Variants in TRIM55 observed in about 807,000 individuals in gnomAD.
TRIM55 encodes tripartite motif-containing protein 55.
TRIM55 carries 50 observed loss-of-function variants against 60.9 expected under a neutral mutation model. The observed-to-expected ratio is 0.82, with a 90% CI of 0.65 to 1.04. The LOEUF (loss-of-function observed/expected upper bound fraction) is 1.04, where lower values mean the gene tolerates loss of function less well. Ranked by LOEUF, TRIM55 falls within the 50% of genes least tolerant of loss-of-function variation. TRIM55 has a pLI of 0.00. For synonymous variants in TRIM55, 237 were observed against 238.1 expected (o/e 1.00, Z 0.04); for missense variants, 681 against 666.9 (o/e 1.02, Z -0.23).
At chr8:66,155,823 C>T (rs1439542219) in intron 9 of TRIM55, 1 of 732,064 alleles carries the variant, frequency 1.4e-6, no homozygotes, top group East Asian at 2.6e-5. Flanking sequence ...GCTCAGTCCT[C>T]CCAAAAGAAC....
chr8:66,144,458 G>A (rs1809996462), intron 4 of TRIM55, among the ~76,000 whole-genome samples: 1 of 152,238 alleles, frequency 6.6e-6, no homozygotes, highest in South Asian at 2.1e-4. Flanking sequence ...AGACCCAGGA[G>A]GAAGGCTGTG....
intron 9 of TRIM55, among the ~76,000 whole-genome samples, chr8:66,155,342 A>G (rs1014609991): frequency 2.1e-4 from 32 of 152,262 alleles, no homozygotes; most frequent in African/African-American, 7.2e-4. Context: ...TTATTTTCAC[A>G]GATAAAATGA....
chr8:66,128,359 G>T lies in TRIM55; in HGVS notation c.224G>T (p.Arg75Leu). 4 of 1,613,528 alleles carry T rather than the reference G, an allele frequency of 2.5e-6. No homozygotes were observed. The highest frequency in any genetic ancestry group is 3.4e-6 in the Non-Finnish European group (4 of 1,179,676). ...GGTACCACCATGGCATCAGGGGGCCGATTCCGCTGCCCATCCTGTAGACAT... is the reference window on the plus strand; with the variant it reads ...GGTACCACCATGGCATCAGGGGGCCTATTCCGCTGCCCATCCTGTAGACAT... ...RGGTTMASGGRFRCPSCRHEV... is the reference protein window; with the variant it reads ...RGGTTMASGGLFRCPSCRHEV... Residue 75 changes from arginine to leucine, a missense_variant, in exon 2 of 10, where the codon CGA (arginine) becomes CTA (leucine). Coordinates refer to ENST00000315962, the MANE Select transcript of TRIM55 (RefSeq NM_184085.2).
chr8:66,161,656 T>C (rs1028235552), intron 9 of TRIM55, among the ~76,000 whole-genome samples: 1 of 151,964 alleles, frequency 6.6e-6, no homozygotes, highest in Non-Finnish European at 1.5e-5. Context: ...GCATGGGATG[T>C]GTTTCCATTT....
chr8:66,113,452 T>C, the TRIM55 span: 1 of 453,602 alleles, frequency 2.2e-6, no homozygotes. Context: ...CGATTCCGGC[T>C]CGAAGGAGAC....
the TRIM55 span, among the ~76,000 whole-genome samples, chr8:66,118,654 T>A: frequency 1.3e-5 from 2 of 152,212 alleles, no homozygotes; most frequent in Non-Finnish European, 2.9e-5. Flanking sequence ...GAGGGAAATT[T>A]CTAAGCCAAA....
intron 4 of TRIM55, among the ~76,000 whole-genome samples, chr8:66,147,240 T>C (rs1810141046): frequency 1.3e-5 from 2 of 152,240 alleles, no homozygotes. Context: ...GCATTGTTTG[T>C]TAAATCCATG....
chr8:66,168,293 C>A (rs1337895766), intron 9 of TRIM55, among the ~76,000 whole-genome samples: 1 of 152,204 alleles, frequency 6.6e-6, no homozygotes, highest in African/African-American at 2.4e-5. Flanking sequence ...GCCTCAGTTA[C>A]TTCTCACCAT....
At chr8:66,130,399 A>G (rs1300613498) in intron 2 of TRIM55, among the ~76,000 whole-genome samples, 3 of 152,208 alleles carry the variant, frequency 2.0e-5, no homozygotes, top group African/African-American at 7.2e-5. Flanking sequence ...CACAAGTTGC[A>G]CAGAGCACTT....
At position 66,154,334 on chromosome 8, in the gene TRIM55, GGTT is replaced by G. The variant is rs1253648482; in HGVS notation, c.1524+1_1524+3del. Reference sequence around the variant, plus strand: ...CTAGTGCACCTGCAGCTACTTCTCAGGTTAGTGATGATGCACTTGTGTCTATGC... The same window carrying G: ...CTAGTGCACCTGCAGCTACTTCTCAGAGTGATGATGCACTTGTGTCTATGC... On this transcript the variant is annotated splice_donor_variant and splice_donor_region_variant and intron_variant, in intron 9 of 9. Transcript: ENST00000315962. LOFTEE classifies it high-confidence loss of function. The G allele has an allele frequency of 6.2e-7, 1 of 1,613,528 alleles. No individual in the cohort carries two copies. The highest frequency in any genetic ancestry group is 1.1e-5 in the South Asian group (1 of 91,046).
intron 9 of TRIM55, among the ~76,000 whole-genome samples, chr8:66,173,090 G>A (rs1015419669): frequency 6.6e-6 from 1 of 152,256 alleles, no homozygotes; most frequent in South Asian, 2.1e-4. Flanking sequence ...TCACTTTCAA[G>A]GACATTGAGG....
chr8:66,153,962 C>T, intron 8 of TRIM55, 85 bp from the exon 9 acceptor site: 3 of 1,387,100 alleles, frequency 2.2e-6, no homozygotes, highest in Non-Finnish European at 2.9e-6. Flanking sequence ...GTGTTCAAAC[C>T]CAAAGGGAAC....
chr8:66,156,970 G>A (rs965586703), intron 9 of TRIM55, among the ~76,000 whole-genome samples: 2 of 152,202 alleles, frequency 1.3e-5, no homozygotes, highest in Non-Finnish European at 2.9e-5. Context: ...TGGACTCAGA[G>A]GGGTGAATGG....
intron 9 of TRIM55, among the ~76,000 whole-genome samples, chr8:66,172,002 T>C (rs1025190969): frequency 6.6e-5 from 10 of 151,370 alleles, no homozygotes; most frequent in African/African-American, 2.2e-4. Flanking sequence ...TCATAAACAG[T>C]ACCCAGGGGA....
chr8:66,141,339 G>A (rs7840087), intron 4 of TRIM55, among the ~76,000 whole-genome samples: 2,321 of 152,232 alleles, frequency 0.015, 62 homozygotes, highest in African/African-American at 0.054. Flanking sequence ...CGCTTCTTGA[G>A]AGTGGCTTGG....
upstream of TRIM55, among the ~76,000 whole-genome samples, chr8:66,126,227 G>C (rs1808812759): frequency 6.6e-6 from 1 of 152,210 alleles, no homozygotes; most frequent in Non-Finnish European, 1.5e-5. Flanking sequence ...TGTCCCCCAA[G>C]GGATGACAAA....
intron 9 of TRIM55, among the ~76,000 whole-genome samples, chr8:66,173,349 T>C (rs973208727): frequency 2.0e-5 from 3 of 152,314 alleles, no homozygotes; most frequent in African/African-American, 7.2e-5. Context: ...AACATATGTT[T>C]AGGGTAAAAT....
At position 66,137,157 on chromosome 8, in the gene TRIM55, C is replaced by A; in HGVS notation, c.570C>A (p.Ile190=). 6.2e-7 allele frequency: 1 copy of A among 1,614,124 alleles called. No homozygotes were observed. The highest frequency in any genetic ancestry group is 8.5e-7 in the Non-Finnish European group (1 of 1,180,008). Residue 190 remains isoleucine, a synonymous_variant, in exon 4 of 10, where the codon ATC becomes ATA. Coordinates refer to ENST00000315962, the MANE Select transcript of TRIM55 (RefSeq NM_184085.2). ...VGSNDRVQGV[I]SQLEDTCKTI... ...GCAACGATCGAGTCCAGGGAGTGATCAGCCAGCTGGAAGACACCTGCAAAA... is the reference window on the plus strand; with the variant it reads ...GCAACGATCGAGTCCAGGGAGTGATAAGCCAGCTGGAAGACACCTGCAAAA...
chr8:66,168,372 C>T (rs1055857638), intron 9 of TRIM55, among the ~76,000 whole-genome samples: 4 of 152,204 alleles, frequency 2.6e-5, no homozygotes, highest in African/African-American at 9.7e-5. Context: ...CTAAACTATC[C>T]AAGAGCCTGA....
Sources: allele counts gnomAD v4.1 joint callset (sites outside exome capture counted in the v4.1 genomes callset), GRCh38; gene constraint gnomAD v4.1.1; transcripts MANE v1.5; gene names NCBI Gene and HGNC (gene_info 2026-07-23, HGNC 2026-07-21).